RAB38: variants seen among roughly 807,000 people sequenced by gnomAD.
RAB38 encodes ras-related protein Rab-38.
In RAB38, 15 loss-of-function variants were observed where a neutral mutation model predicts 18.4. That is an observed-to-expected ratio of 0.82 (90% CI 0.55 to 1.26). The LOEUF is 1.26. Among genes scored for constraint, RAB38 ranks in the 50% most tolerant of loss-of-function variants. The probability of loss-of-function intolerance (pLI) is 0.00; values close to 1 mark genes in which losing one functional copy is unlikely to be tolerated. For synonymous variants in RAB38, 101 were observed against 104.4 expected (o/e 0.97, Z 0.20); for missense variants, 294 against 267.4 (o/e 1.10, Z -0.69).
the RAB38 span, among the ~76,000 whole-genome samples, chr11:88,045,559 T>A: frequency 6.6e-6 from 1 of 152,144 alleles, no homozygotes; most frequent in Admixed American, 6.5e-5. Context: ...CCACTGGAAA[T>A]TGGACTGTTC....
the RAB38 span, among the ~76,000 whole-genome samples, chr11:87,847,084 C>T: frequency 3.0e-4 from 46 of 151,798 alleles, no homozygotes; most frequent in Middle Eastern, 0.01. Context: ...ATCTAAAGTT[C>T]ATAATTTAAG....
chr11:87,874,023 T>A, the RAB38 span, among the ~76,000 whole-genome samples: 4,735 of 149,626 alleles, frequency 0.032, 202 homozygotes, highest in Admixed American at 0.12. Flanking sequence ...TTTTATTTTC[T>A]TTGTGTTACT....
the RAB38 span, among the ~76,000 whole-genome samples, chr11:88,032,274 A>T: frequency 1.3e-5 from 2 of 152,232 alleles, no homozygotes; most frequent in African/African-American, 2.4e-5. Flanking sequence ...AACCATAACA[A>T]CCCTAGAAGA....
chr11:87,816,622 A>C, the RAB38 span: 1 of 150,992 alleles, frequency 6.6e-6, no homozygotes, highest in South Asian at 2.1e-4. Context: ...GTGGTAAAAA[A>C]CTCTCTCTAT....
the RAB38 span, among the ~76,000 whole-genome samples, chr11:88,056,382 C>T: frequency 6.6e-6 from 1 of 152,090 alleles, no homozygotes; most frequent in African/African-American, 2.4e-5. Context: ...AAATCATGTG[C>T]TGGTATTTCT....
At chr11:87,963,232 C>T in the RAB38 span, among the ~76,000 whole-genome samples, 3 of 152,078 alleles carry the variant, frequency 2.0e-5, no homozygotes, top group South Asian at 6.2e-4. Flanking sequence ...GACACACACC[C>T]AAAACAGAAA....
intron 2 of RAB38, among the ~76,000 whole-genome samples, chr11:88,128,810 C>T (rs1001884688): frequency 2.0e-5 from 3 of 152,164 alleles, no homozygotes; most frequent in South Asian, 4.1e-4. Context: ...GACAGTGGTA[C>T]CACAAGTGGA....
the RAB38 span, among the ~76,000 whole-genome samples, chr11:88,027,783 C>T: frequency 1.3e-5 from 2 of 152,234 alleles, no homozygotes; most frequent in African/African-American, 4.8e-5. Flanking sequence ...TCTGTAGGCT[C>T]CACCTCTGGG....
the RAB38 span, among the ~76,000 whole-genome samples, chr11:88,006,865 G>A: frequency 3.3e-5 from 5 of 151,124 alleles, no homozygotes; most frequent in African/African-American, 7.3e-5. Flanking sequence ...GGGTGAGGGT[G>A]GGTGATGGTT....
chr11:87,891,312 G>A, the RAB38 span, among the ~76,000 whole-genome samples: 1 of 151,614 alleles, frequency 6.6e-6, no homozygotes, highest in Non-Finnish European at 1.5e-5. Flanking sequence ...TTAGTATCAA[G>A]GAAAAAAATA....
the RAB38 span, among the ~76,000 whole-genome samples, chr11:88,040,159 T>C: frequency 1.3e-5 from 2 of 152,170 alleles, no homozygotes; most frequent in Non-Finnish European, 2.9e-5. Flanking sequence ...CATAACAAAG[T>C]GCAACAGACT....
chr11:87,960,379 C>CAA, the RAB38 span, among the ~76,000 whole-genome samples: 5,452 of 113,120 alleles, frequency 0.048, 278 homozygotes, highest in African/African-American at 0.15. Context: ...TGGAAGACAA[C>CAA]AAAAAAAAGA....
the RAB38 span, among the ~76,000 whole-genome samples, chr11:88,026,562 C>CAA: frequency 8.0e-3 from 424 of 53,184 alleles, 2 homozygotes; most frequent in East Asian, 0.024. Context: ...GACTCTGTCA[C>CAA]AAAAAAAAAA....
At chr11:87,870,076 CAT>C in the RAB38 span, among the ~76,000 whole-genome samples, 5 of 151,566 alleles carry the variant, frequency 3.3e-5, no homozygotes, top group Non-Finnish European at 5.9e-5. Flanking sequence ...AGTCTGGAAA[CAT>C]ATAAGATGTT....
chr11:87,829,448 G>A, the RAB38 span, among the ~76,000 whole-genome samples: 1 of 152,152 alleles, frequency 6.6e-6, no homozygotes, highest in Non-Finnish European at 1.5e-5. Flanking sequence ...GAGGGCTCAG[G>A]AACCTTACAA....
chr11:87,847,566 G>T, the RAB38 span, among the ~76,000 whole-genome samples: 2 of 152,048 alleles, frequency 1.3e-5, no homozygotes, highest in Admixed American at 1.3e-4. Flanking sequence ...TGTGGGGTTG[G>T]CATTGACTTC....
At chr11:88,142,717 TACAG>T (rs1455131921) in intron 2 of RAB38, among the ~76,000 whole-genome samples, 2 of 152,166 alleles carry the variant, frequency 1.3e-5, no homozygotes, top group African/African-American at 2.4e-5. Context: ...CAAAATGAAA[TACAG>T]ACAAAGAATG....
chr11:87,815,817 T>A, the RAB38 span: 2 of 152,302 alleles, frequency 1.3e-5, no homozygotes, highest in Non-Finnish European at 1.5e-5. Context: ...TGCCAGTGTT[T>A]CAGGTTTCTA....
the RAB38 span, among the ~76,000 whole-genome samples, chr11:88,045,190 T>A: frequency 6.6e-6 from 1 of 152,120 alleles, no homozygotes; most frequent in Non-Finnish European, 1.5e-5. Context: ...AACATGCATT[T>A]TATTTTATTA....
Sources: allele counts gnomAD v4.1 joint callset (sites outside exome capture counted in the v4.1 genomes callset), GRCh38; gene constraint gnomAD v4.1.1; transcripts MANE v1.5; gene names NCBI Gene and HGNC (gene_info 2026-07-23, HGNC 2026-07-21).